CDH13: variants seen among roughly 807,000 people sequenced by gnomAD.
The protein encoded by CDH13 is cadherin-13.
In CDH13, 24 loss-of-function variants were observed where a neutral mutation model predicts 63.8. That is an observed-to-expected ratio of 0.38 (90% CI 0.27 to 0.53). The LOEUF is 0.53. CDH13 is among the 20% of genes least tolerant of loss of function. CDH13 has a pLI of 0.85. For synonymous variants in CDH13, 503 were observed against 355.3 expected (o/e 1.42, Z -4.67); for missense variants, 1,049 against 903.1 (o/e 1.16, Z -2.07).
At chr16:82,886,891 C>T (rs1307958797) in intron 2 of CDH13, among the ~76,000 whole-genome samples, 2 of 152,162 alleles carry the variant, frequency 1.3e-5, no homozygotes, top group African/African-American at 4.8e-5. Context: ...GTCATATTCA[C>T]TCTGCTCATT....
chr16:83,698,915 A>C (rs971961358), intron 10 of CDH13, among the ~76,000 whole-genome samples: 4 of 152,252 alleles, frequency 2.6e-5, no homozygotes, highest in African/African-American at 9.6e-5. Flanking sequence ...AACTGTGTTG[A>C]CACAGGGAGT....
intron 3 of CDH13, among the ~76,000 whole-genome samples, chr16:83,074,024 A>C (rs74033103): frequency 6.6e-6 from 1 of 152,150 alleles, no homozygotes; most frequent in African/African-American, 2.4e-5. Context: ...AGCTATTTTG[A>C]GATGTACAAT....
intron 8 of CDH13, among the ~76,000 whole-genome samples, chr16:83,606,638 G>C (rs1908357019): frequency 6.6e-6 from 1 of 150,478 alleles, no homozygotes; most frequent in Admixed American, 6.6e-5. Flanking sequence ...GCGGTAGGAG[G>C]ATCATTTGAG....
intron 7 of CDH13, among the ~76,000 whole-genome samples, chr16:83,578,286 G>A (rs557980283): frequency 1.3e-3 from 194 of 152,292 alleles, no homozygotes; most frequent in Admixed American, 3.5e-3. Context: ...TCTCACAGCC[G>A]CGGGCTACTT....
chr16:82,670,488 A>G (rs1913111497), intron 1 of CDH13, among the ~76,000 whole-genome samples: 1 of 152,246 alleles, frequency 6.6e-6, no homozygotes, highest in African/African-American at 2.4e-5. Flanking sequence ...TGTAGAAGGA[A>G]GTGTGGGTTT....
chr16:83,222,463 G>A (rs540310796), intron 5 of CDH13, among the ~76,000 whole-genome samples: 29 of 152,298 alleles, frequency 1.9e-4, no homozygotes, highest in Non-Finnish European at 2.9e-4. Flanking sequence ...CTTATAAGAC[G>A]ATTGGGAGAT....
intron 4 of CDH13, among the ~76,000 whole-genome samples, chr16:83,158,936 A>G (rs529183902): frequency 6.6e-6 from 1 of 152,320 alleles, no homozygotes; most frequent in East Asian, 1.9e-4. Flanking sequence ...CACTGTTCTC[A>G]GGACCTTCAT....
intron 4 of CDH13, among the ~76,000 whole-genome samples, chr16:83,152,506 C>A (rs1014139100): frequency 6.6e-6 from 1 of 152,040 alleles, no homozygotes; most frequent in Non-Finnish European, 1.5e-5. Flanking sequence ...AAAGGTGATT[C>A]CTTTACATTT....
chr16:83,552,129 C>G (rs2075514320), intron 7 of CDH13, among the ~76,000 whole-genome samples: 1 of 152,208 alleles, frequency 6.6e-6, no homozygotes, highest in Non-Finnish European at 1.5e-5. Context: ...CCAGGGAAGG[C>G]TGAGTGCCCT....
rs1420305310 is a variant in CDH13, at chr16:83,800,089, T to G, written c.*5059T>G. 6.6e-6 allele frequency: 1 copy of G among 152,202 alleles called. No homozygotes were observed. The highest frequency in any genetic ancestry group is 2.4e-5 in the African/African-American group (1 of 41,458). 9.4% of individuals were successfully genotyped at this position (152,202 alleles called of 1,614,324 possible). A position where few individuals can be genotyped will look rare whatever the true frequency, so the allele number is the denominator to read the frequency against. ...GAGGGTTGCTGAGCTTGATACGCCT[T>G]TGAACCATTTTATTTGACTTTCCAC... On this transcript the variant is annotated 3_prime_UTR_variant, in exon 14 of 14. Transcript: ENST00000567109.
intron 5 of CDH13, among the ~76,000 whole-genome samples, chr16:83,288,028 A>G (rs2089366084): frequency 6.6e-6 from 1 of 152,266 alleles, no homozygotes; most frequent in African/African-American, 2.4e-5. Flanking sequence ...AGGCTCCAGT[A>G]CAGCTTATGT....
At chr16:82,959,249 A>C (rs1334565654) in intron 2 of CDH13, among the ~76,000 whole-genome samples, 2 of 152,258 alleles carry the variant, frequency 1.3e-5, no homozygotes, top group African/African-American at 4.8e-5. Context: ...AAAAGATGAC[A>C]GACACAGGAA....
chr16:83,467,636 C>T (rs1168076891), intron 6 of CDH13, among the ~76,000 whole-genome samples: 1 of 152,128 alleles, frequency 6.6e-6, no homozygotes, highest in African/African-American at 2.4e-5. Context: ...CACGAGACAC[C>T]TGTGTGCTTC....
intron 5 of CDH13, among the ~76,000 whole-genome samples, chr16:83,260,028 C>G (rs1489613954): frequency 1.3e-5 from 2 of 148,846 alleles, no homozygotes; most frequent in Non-Finnish European, 3.0e-5. Context: ...AAGATGAGGA[C>G]TTTCAAACTT....
At chr16:82,686,081 C>T (rs1037188580) in intron 1 of CDH13, among the ~76,000 whole-genome samples, 2 of 152,190 alleles carry the variant, frequency 1.3e-5, no homozygotes, top group Non-Finnish European at 1.5e-5. Context: ...TCACCCTTAG[C>T]TCCACTTCCA....
intron 2 of CDH13, among the ~76,000 whole-genome samples, chr16:82,914,113 C>G (rs1323890214): frequency 2.6e-5 from 4 of 152,026 alleles, no homozygotes; most frequent in African/African-American, 9.7e-5. Flanking sequence ...AGAACTCTAG[C>G]CATTATCTCC....
chr16:83,242,806 A>T (rs936213993), intron 5 of CDH13, among the ~76,000 whole-genome samples: 1 of 152,188 alleles, frequency 6.6e-6, no homozygotes, highest in Non-Finnish European at 1.5e-5. Context: ...TCAGTTGGCA[A>T]TGTCCACCTT....
chr16:83,130,925 T>A (rs2036015196), intron 4 of CDH13, among the ~76,000 whole-genome samples: 1 of 152,156 alleles, frequency 6.6e-6, no homozygotes, highest in Non-Finnish European at 1.5e-5. Flanking sequence ...GGAGGGTTTT[T>A]CACAACTGGA....
At chr16:83,455,901 C>T (rs191273609) in intron 6 of CDH13, among the ~76,000 whole-genome samples, 93 of 152,318 alleles carry the variant, frequency 6.1e-4, no homozygotes, top group Middle Eastern at 3.4e-3. Context: ...TCTGGAAAAA[C>T]GACAGACTAG....
Sources: gnomAD v4.1 joint callset for allele counts (sites outside exome capture counted in the v4.1 genomes callset) on GRCh38, gnomAD v4.1.1 for gene constraint, MANE v1.5 for transcripts, NCBI Gene and HGNC (gene_info 2026-07-23, HGNC 2026-07-21) for gene names.